Variants in MAGI2 observed in about 807,000 individuals in gnomAD.
The protein encoded by MAGI2 is membrane-associated guanylate kinase, WW and PDZ domain-containing protein 2.
MAGI2 carries 35 observed loss-of-function variants against 133.3 expected under a neutral mutation model. That is an observed-to-expected ratio of 0.26 (90% CI 0.20 to 0.35). The LOEUF (loss-of-function observed/expected upper bound fraction) is 0.35, where lower values mean the gene tolerates loss of function less well. Among genes scored for constraint, MAGI2 ranks in the 10% least tolerant of loss-of-function variants. The pLI, the probability that MAGI2 is intolerant of heterozygous loss-of-function variation, is 1.00. For synonymous variants in MAGI2, 729 were observed against 710.6 expected, an observed-to-expected ratio of 1.03 and a Z score of -0.41; for missense variants, 1,636 against 1,863.4, an observed-to-expected ratio of 0.88 and a Z score of 2.25.
chr7:78,514,557 C>A (rs1350193610), intron 4 of MAGI2, among the ~76,000 whole-genome samples: 1 of 152,192 alleles, frequency 6.6e-6, no homozygotes, highest in Non-Finnish European at 1.5e-5. Flanking sequence ...AAGCCCTTCT[C>A]ACCCCGCTCA....
At chr7:78,908,137 C>A (rs1333994406) in intron 2 of MAGI2, among the ~76,000 whole-genome samples, 1 of 152,082 alleles carries the variant, frequency 6.6e-6, no homozygotes, top group Non-Finnish European at 1.5e-5. Flanking sequence ...TGTAGAGTGA[C>A]AGAAAGTGAA....
chr7:78,886,269 A>C (rs1300301494), intron 2 of MAGI2, among the ~76,000 whole-genome samples: 5 of 152,234 alleles, frequency 3.3e-5, no homozygotes. Flanking sequence ...CTGTTAATGG[A>C]AATCCAGAGC....
intron 6 of MAGI2, among the ~76,000 whole-genome samples, chr7:78,481,476 G>A (rs1792366777): frequency 6.6e-6 from 1 of 152,020 alleles, no homozygotes; most frequent in South Asian, 2.1e-4. Context: ...CATGGGGATT[G>A]CAACTCAAGG....
chr7:78,780,712 C>A (rs1426134569), intron 2 of MAGI2, among the ~76,000 whole-genome samples: 1 of 152,202 alleles, frequency 6.6e-6, no homozygotes, highest in African/African-American at 2.4e-5. Context: ...GGCGGGGCTC[C>A]TCCAGTAAAA....
chr7:78,287,128 G>A (rs1796224154), intron 9 of MAGI2, among the ~76,000 whole-genome samples: 1 of 152,142 alleles, frequency 6.6e-6, no homozygotes, highest in Non-Finnish European at 1.5e-5. Context: ...TAATTCTGGA[G>A]GTAAAGTTAG....
chr7:78,832,461 G>C (rs1314420973), intron 2 of MAGI2, among the ~76,000 whole-genome samples: 1 of 152,136 alleles, frequency 6.6e-6, no homozygotes, highest in African/African-American at 2.4e-5. Context: ...CATAGTAATT[G>C]TAAGGGCGGG....
Position 78,160,143 on chromosome 7 carries a change from T to C in MAGI2, c.2727A>G (p.Glu909=). The stretch of plus-strand genomic sequence containing the variant: ...TCTGCAGGCTGTGGGAGGCGAAGCC[T>C]TCAGGGGGAGAGGCATTGCTACTGG... The part of the protein sequence containing the change: ...AAPSSNASPP[E]GFASHSLQTS... The change falls in exon 16 of 22, where the codon GAA becomes GAG. Residue 909 remains glutamate (E), a synonymous_variant. Transcript: ENST00000354212. The C allele has an allele frequency of 1.2e-6, 2 of 1,612,532 alleles. No individual in the cohort carries two copies. The highest frequency in any genetic ancestry group is 2.2e-5 in the East Asian group (1 of 44,844).
chr7:78,646,929 C>T (rs1005688067), intron 2 of MAGI2, among the ~76,000 whole-genome samples: 1 of 152,146 alleles, frequency 6.6e-6, no homozygotes, highest in African/African-American at 2.4e-5. Context: ...GTTCAACCCA[C>T]TCTTATGATT....
chr7:78,201,614 T>C (rs544935395), intron 10 of MAGI2, among the ~76,000 whole-genome samples: 1 of 152,364 alleles, frequency 6.6e-6, no homozygotes, highest in Admixed American at 6.5e-5. Context: ...TTACCTGCTT[T>C]ATGTGGTTAA....
intron 2 of MAGI2, among the ~76,000 whole-genome samples, chr7:78,874,372 A>C (rs1795259113): frequency 6.6e-6 from 1 of 152,210 alleles, no homozygotes. Context: ...AATATTTAGC[A>C]TCTGATAAGA....
chr7:79,167,501 T>C (rs1227682639), intron 1 of MAGI2, among the ~76,000 whole-genome samples: 1 of 151,972 alleles, frequency 6.6e-6, no homozygotes, highest in Non-Finnish European at 1.5e-5. Flanking sequence ...GACTTCTTTC[T>C]ACTTCATAAC....
At chr7:78,658,246 T>C (rs576559331) in intron 2 of MAGI2, among the ~76,000 whole-genome samples, 102 of 152,152 alleles carry the variant, frequency 6.7e-4, no homozygotes, top group African/African-American at 2.0e-3. Context: ...TTTCAACAAA[T>C]GGTGCTTGAG....
Position 78,108,076 on chromosome 7 carries a change from T to G in MAGI2, c.3567+17618A>C, listed in dbSNP as rs150275596. ...AAGATGCTTTGTAAGGTTGTTTATTTGAAGTTTTTCTACTTTTTTGATGCA... is the reference window on the plus strand; with the variant it reads ...AAGATGCTTTGTAAGGTTGTTTATTGGAAGTTTTTCTACTTTTTTGATGCA... On this transcript the variant is annotated intron_variant, in intron 20 of 21. Coordinates refer to ENST00000354212, the MANE Select transcript of MAGI2 (RefSeq NM_012301.4). 6.9e-3 allele frequency among the ~76,000 whole-genome samples: 1,057 copies of G among 152,198 alleles called. 10 individuals carry two copies. Among genetic ancestry groups the G allele is most frequent in the Middle Eastern group, 0.017 (5 of 294 alleles).
At chr7:78,647,094 T>A (rs1408818483) in intron 2 of MAGI2, among the ~76,000 whole-genome samples, 5 of 152,040 alleles carry the variant, frequency 3.3e-5, no homozygotes. Context: ...CATAAAAATA[T>A]TGTCATGCTA....
intron 9 of MAGI2, among the ~76,000 whole-genome samples, chr7:78,324,170 C>CT (rs370615440): frequency 0.019 from 2,423 of 127,016 alleles, 47 homozygotes; most frequent in African/African-American, 0.044. Context: ...CACTACACTA[C>CT]ACACTACACT....
intron 21 of MAGI2, among the ~76,000 whole-genome samples, chr7:78,077,602 T>TAGATGCTGTAAACAACGCA (rs773180706): frequency 6.6e-6 from 1 of 151,384 alleles, no homozygotes; most frequent in Non-Finnish European, 1.5e-5. Flanking sequence ...ATTTAAGGTC[T>TAGATGCTGTAAACAACGCA]TTGAGTTTAG....
intron 1 of MAGI2, among the ~76,000 whole-genome samples, chr7:79,236,860 A>G (rs765685307): frequency 8.5e-5 from 13 of 152,220 alleles, no homozygotes; most frequent in Non-Finnish European, 1.6e-4. Flanking sequence ...GGGCAAGTAA[A>G]CAAGACTCCA....
intron 2 of MAGI2, among the ~76,000 whole-genome samples, chr7:78,634,341 C>G (rs989274561): frequency 1.5e-4 from 23 of 152,272 alleles, no homozygotes; most frequent in Non-Finnish European, 1.9e-4. Flanking sequence ...CTCACAAAAC[C>G]TGATTAGTAA....
chr7:78,795,969 G>A (rs574828279), intron 2 of MAGI2, among the ~76,000 whole-genome samples: 10 of 152,102 alleles, frequency 6.6e-5, no homozygotes, highest in East Asian at 3.9e-4. Context: ...CTTTCACCAC[G>A]TACAAAAATC....
Sources: allele counts gnomAD v4.1 joint callset (sites outside exome capture counted in the v4.1 genomes callset), GRCh38; gene constraint gnomAD v4.1.1; transcripts MANE v1.5; gene names NCBI Gene and HGNC (gene_info 2026-07-23, HGNC 2026-07-21).